The following PRDM16 variants were observed in gnomAD, a reference collection of about 807,000 sequenced individuals.
PRDM16 encodes the protein histone-lysine N-methyltransferase PRDM16.
In PRDM16, 23 loss-of-function variants were observed where a neutral mutation model predicts 110.6. The observed-to-expected ratio is 0.21, with a 90% CI of 0.15 to 0.29. PRDM16 has a LOEUF of 0.29. Among genes scored for constraint, PRDM16 ranks in the 10% least tolerant of loss-of-function variants. The pLI is 1.00. For missense variants in PRDM16, 1,615 were observed against 1,794.3 expected, an observed-to-expected ratio of 0.90 and a Z score of 1.81; for synonymous variants, 799 against 781.8, an observed-to-expected ratio of 1.02 and a Z score of -0.37.
intron 3 of PRDM16, among the ~76,000 whole-genome samples, chr1:3,347,802 G>A (rs992467503): frequency 1.3e-5 from 2 of 152,238 alleles, no homozygotes; most frequent in Non-Finnish European, 2.9e-5. Context: ...AGCCCCTGAG[G>A]GCTCTGGGCT....
At chr1:3,083,421 G>A (rs1242531723) in intron 1 of PRDM16, among the ~76,000 whole-genome samples, 1 of 152,220 alleles carries the variant, frequency 6.6e-6, no homozygotes, top group African/African-American at 2.4e-5. Context: ...ATCGTCCTGG[G>A]GCTGACCTGG....
intron 3 of PRDM16, among the ~76,000 whole-genome samples, chr1:3,254,535 A>G (rs1319471112): frequency 6.6e-6 from 1 of 152,252 alleles, no homozygotes; most frequent in Non-Finnish European, 1.5e-5. Context: ...GAGCCAAATC[A>G]TGAGTGAATT....
intron 1 of PRDM16, among the ~76,000 whole-genome samples, chr1:3,126,570 C>T (rs1054046762): frequency 2.0e-5 from 3 of 152,162 alleles, no homozygotes; most frequent in Non-Finnish European, 4.4e-5. Flanking sequence ...GGGGCCTGTA[C>T]CCAATCCCAA....
At chr1:3,391,111 C>T (rs1643293158) in intron 4 of PRDM16, among the ~76,000 whole-genome samples, 2 of 152,176 alleles carry the variant, frequency 1.3e-5, no homozygotes, top group Admixed American at 6.5e-5. Flanking sequence ...GCTGGGATGA[C>T]AGGCGTGAGC....
rs1331887476 is a variant in PRDM16 at position 3,243,208 on chromosome 1, G to T, written c.388-879G>T. ...GTGTGGCCCACAGCCCGCTGCTGGG[G>T]GTCCTCAGTGGCCACCCCGGGCACC... On this transcript the variant is annotated intron_variant, in intron 2 of 16. Transcript: ENST00000270722. This position sits in a 1 kb window ranked among gnomAD's most constrained non-coding sequence, Gnocchi z 5.5. 6.6e-6 allele frequency among the ~76,000 whole-genome samples: 1 copy of T among 152,174 alleles called. No homozygotes were observed. Among genetic ancestry groups the T allele is most frequent in the Non-Finnish European group, 1.5e-5 (1 of 68,032 alleles).
chr1:3,187,606 A>G (rs1644285537), intron 2 of PRDM16, among the ~76,000 whole-genome samples: 1 of 152,178 alleles, frequency 6.6e-6, no homozygotes, highest in Non-Finnish European at 1.5e-5. Flanking sequence ...GGCGGCATTA[A>G]GAGCCCTTTG....
chr1:3,204,845 G>A (rs1276779601), intron 2 of PRDM16, among the ~76,000 whole-genome samples: 2 of 152,214 alleles, frequency 1.3e-5, no homozygotes, highest in African/African-American at 4.8e-5. Context: ...CAGGAAAGGA[G>A]TGGAGGGATA....
intron 2 of PRDM16, among the ~76,000 whole-genome samples, chr1:3,203,466 A>G (rs1347726235): frequency 6.6e-6 from 1 of 152,204 alleles, no homozygotes; most frequent in South Asian, 2.1e-4. Context: ...GCAAGGTGCC[A>G]TGTGCTGCAT....
At chr1:3,352,872 G>A (rs1472445831) in intron 3 of PRDM16, among the ~76,000 whole-genome samples, 1 of 152,204 alleles carries the variant, frequency 6.6e-6, no homozygotes, top group Non-Finnish European at 1.5e-5. Context: ...CTAGCTCTCG[G>A]TGGCAGTCAG....
At chr1:3,337,157 CTG>C (rs146587498) in intron 3 of PRDM16, among the ~76,000 whole-genome samples, 3,227 of 145,370 alleles carry the variant, frequency 0.022, 177 homozygotes, top group East Asian at 0.12. Flanking sequence ...TGGTGTGAAT[CTG>C]TGTACATCTG....
chr1:3,384,998 G>A (rs1643170934), intron 3 of PRDM16, 154 bp from the exon 4 acceptor site: 2 of 862,934 alleles, frequency 2.3e-6, no homozygotes, highest in Admixed American at 2.1e-5. Context: ...TGGGCTGGGA[G>A]CCCCGCTGAT....
At chr1:3,170,179 C>T (rs1189856401) in intron 1 of PRDM16, among the ~76,000 whole-genome samples, 1 of 152,256 alleles carries the variant, frequency 6.6e-6, no homozygotes, top group African/African-American at 2.4e-5. Context: ...TGAACGTCTT[C>T]ATCAGGGCAA....
At chr1:3,077,599 G>A (rs1202095020) in intron 1 of PRDM16, among the ~76,000 whole-genome samples, 1 of 152,130 alleles carries the variant, frequency 6.6e-6, no homozygotes, top group Non-Finnish European at 1.5e-5. Flanking sequence ...GCCAGGCTGG[G>A]GTGCTTTACA....
intron 3 of PRDM16, among the ~76,000 whole-genome samples, chr1:3,272,384 G>A (rs1280262455): frequency 6.6e-6 from 1 of 152,074 alleles, no homozygotes; most frequent in Non-Finnish European, 1.5e-5. Flanking sequence ...TTTTTTGTTT[G>A]CAGCTCTCAG....
intron 1 of PRDM16, among the ~76,000 whole-genome samples, chr1:3,129,061 G>T (rs1328394046): frequency 6.6e-6 from 1 of 152,004 alleles, no homozygotes; most frequent in South Asian, 2.1e-4. Flanking sequence ...TGTGTGTGTG[G>T]GGGGTTGCGT....
intron 3 of PRDM16, among the ~76,000 whole-genome samples, chr1:3,284,192 A>G (rs1251279280): frequency 1.3e-5 from 2 of 152,188 alleles, no homozygotes; most frequent in Admixed American, 6.5e-5. Context: ...GCCAAAGCAC[A>G]CCGGTTTGCA....
chr1:3,411,631 C>T lies in PRDM16; in HGVS notation c.1434C>T (p.Leu478=). 1 of 1,613,976 alleles carries T rather than the reference C, an allele frequency of 6.2e-7. No homozygotes were observed. Among genetic ancestry groups the T allele is most frequent in the Non-Finnish European group, 8.5e-7 (1 of 1,179,938 alleles). ...MMDKAKPSPS[L]NHASLGFNEY... ...ACAAGGCAAAACCCTCCCCCAGCCT[C>T]AATCACGCCAGCCTGGGCTTCAACG... The change falls in exon 9 of 17, where the codon CTC becomes CTT. Residue 478 remains leucine (L), a synonymous_variant. Coordinates refer to ENST00000270722, the MANE Select transcript of PRDM16 (RefSeq NM_022114.4).
chr1:3,246,232 A>T lies in PRDM16; in HGVS notation c.438+2095A>T, dbSNP rs1437323928. Among the ~76,000 whole-genome samples, 1 of 152,172 alleles carries T rather than the reference A, an allele frequency of 6.6e-6. No individual in the cohort carries two copies. The highest frequency in any genetic ancestry group is 2.4e-5 in the African/African-American group (1 of 41,450). On this transcript the variant is annotated intron_variant, in intron 3 of 16. Coordinates refer to ENST00000270722, the MANE Select transcript of PRDM16 (RefSeq NM_022114.4). The surrounding 1 kb of genome is among the most constrained non-coding windows in gnomAD (Gnocchi z 5.2). The stretch of plus-strand genomic sequence containing the variant: ...GTCTCGCTCAGTGTGGCCCAAGGTC[A>T]TTCTTGAGAGCGGCTCCCGGGGTGG...
chr1:3,302,468 G>T (rs1468686570), intron 3 of PRDM16, among the ~76,000 whole-genome samples: 1 of 151,732 alleles, frequency 6.6e-6, no homozygotes, highest in Non-Finnish European at 1.5e-5. Flanking sequence ...ATTCAGGGTT[G>T]CCCCAAAGTA....
Sources: gnomAD v4.1 joint callset for allele counts (sites outside exome capture counted in the v4.1 genomes callset) on GRCh38, gnomAD v4.1.1 for gene constraint, Gnocchi (gnomAD v3.1) non-coding constraint, MANE v1.5 for transcripts, NCBI Gene and HGNC (gene_info 2026-07-23, HGNC 2026-07-21) for gene names.